Variants in ADAMTS14 observed in about 807,000 individuals in gnomAD.
The protein encoded by ADAMTS14 is ADAM metallopeptidase with thrombospondin type 1 motif 14.
In ADAMTS14, 100 loss-of-function variants were observed where a neutral mutation model predicts 128.6. That is an observed-to-expected ratio of 0.78 (90% CI 0.66 to 0.92). The LOEUF is 0.92. Among genes scored for constraint, ADAMTS14 ranks in the 40% least tolerant of loss-of-function variants. The pLI is 0.00. For synonymous variants in ADAMTS14, 665 were observed against 653.8 expected (o/e 1.02, Z -0.26); for missense variants, 1,562 against 1,658.6 (o/e 0.94, Z 1.01).
At chr10:70,716,461 C>G (rs747124762) in intron 4 of ADAMTS14, among the ~76,000 whole-genome samples, 10 of 152,216 alleles carry the variant, frequency 6.6e-5, no homozygotes, top group Non-Finnish European at 1.0e-4. Flanking sequence ...TTCCCCCGAA[C>G]AGGTGCAGAG....
chr10:70,708,560 C>A (rs1290779373), intron 3 of ADAMTS14, 28 bp from the exon 4 acceptor site: 2 of 1,579,152 alleles, frequency 1.3e-6, no homozygotes, highest in South Asian at 1.1e-5. Flanking sequence ...GTGGGTTGGA[C>A]CTCACTCTCT....
intron 14 of ADAMTS14, among the ~76,000 whole-genome samples, chr10:70,744,634 C>T (rs1487882103): frequency 1.3e-5 from 2 of 152,204 alleles, no homozygotes; most frequent in Non-Finnish European, 2.9e-5. Context: ...TGACTTTCCT[C>T]TCTACCTCCA....
At chr10:70,752,049 G>A (rs762409850) in intron 17 of ADAMTS14, 46 bp from the exon 18 acceptor site, 1 of 1,578,172 alleles carries the variant, frequency 6.3e-7, no homozygotes, top group Non-Finnish European at 8.6e-7. Context: ...CAGGGCAATG[G>A]GGGGCCTGGC....
intron 4 of ADAMTS14, among the ~76,000 whole-genome samples, chr10:70,720,055 T>C (rs1455243946): frequency 3.3e-5 from 5 of 152,362 alleles, no homozygotes; most frequent in Middle Eastern, 3.4e-3. Context: ...GGTCCATCCC[T>C]GTGCACCCTG....
intron 3 of ADAMTS14, among the ~76,000 whole-genome samples, chr10:70,702,676 G>A (rs1320056483): frequency 6.6e-6 from 1 of 152,214 alleles, no homozygotes; most frequent in Non-Finnish European, 1.5e-5. Flanking sequence ...GGCCAGAGGA[G>A]TCACTTGTGT....
chr10:70,738,985 C>T lies in ADAMTS14; in HGVS notation c.1743C>T (p.Asn581=), dbSNP rs1841914343. The change falls in exon 11 of 22, where the codon AAC becomes AAT. Residue 581 remains asparagine (N), a synonymous_variant. Coordinates refer to ENST00000373207, the MANE Select transcript of ADAMTS14 (RefSeq NM_080722.4). ...GVRSRSRSCN[N]PSPAYGGRLC... ...GATCCCGCAGCCGGAGCTGCAACAA[C>T]CCCTCGTGAGTGTGCTTGGCTAGGG... is the stretch of plus-strand genomic sequence containing the variant. 6.2e-7 allele frequency: 1 copy of T among 1,608,200 alleles called. No homozygotes were observed. The highest frequency in any genetic ancestry group is 8.5e-7 in the Non-Finnish European group (1 of 1,177,028).
At chr10:70,692,934 G>C (rs1840231914) in intron 2 of ADAMTS14, among the ~76,000 whole-genome samples, 1 of 152,148 alleles carries the variant, frequency 6.6e-6, no homozygotes. Flanking sequence ...ATCTGGGGCT[G>C]GGCAATTTAT....
chr10:70,748,273 C>T (rs190427883), intron 15 of ADAMTS14, among the ~76,000 whole-genome samples: 12 of 152,254 alleles, frequency 7.9e-5, no homozygotes, highest in East Asian at 3.9e-4. Context: ...CCACCCCCAA[C>T]GGTCTGGAAT....
Position 70,695,490 on chromosome 10 carries a change from G to A in ADAMTS14, c.523-6822G>A, listed in dbSNP as rs570783675. Reference sequence around the variant, plus strand: ...GAATCAGAGACAACAGCCCCGGATGGCCCATTAGAGGTTCTGGCCCCTGCA... The same window carrying A: ...GAATCAGAGACAACAGCCCCGGATGACCCATTAGAGGTTCTGGCCCCTGCA... On this transcript the variant is annotated intron_variant, in intron 2 of 21. Transcript: ENST00000373207. Among the ~76,000 whole-genome samples the A allele has an allele frequency of 4.0e-4, 61 of 152,290 alleles. 1 individual carries two copies. Among genetic ancestry groups the A allele is most frequent in the African/African-American group, 1.3e-3 (56 of 41,552 alleles).
chr10:70,687,378 A>T (rs1428008879), intron 2 of ADAMTS14, among the ~76,000 whole-genome samples: 29 of 42,658 alleles, frequency 6.8e-4, no homozygotes, highest in East Asian at 6.3e-3. Context: ...CTGGCCGGGC[A>T]GAGGGGCTCC....
chr10:70,742,791 G>A lies in ADAMTS14; in HGVS notation c.1925-757G>A, dbSNP rs1390602131. On this transcript the variant is annotated intron_variant, in intron 12 of 21. Coordinates refer to ENST00000373207, the MANE Select transcript of ADAMTS14 (RefSeq NM_080722.4). ...CACAGTAAGTGTTTATATATGCTCT[G>A]GAACCTCCTTTTTAGGATATCTATA... Among the ~76,000 whole-genome samples, 3 of 152,178 alleles carry A rather than the reference G, an allele frequency of 2.0e-5. No individual in the cohort carries two copies. In the East Asian group the frequency reaches 5.8e-4, roughly 29 times the overall value.
Position 70,702,325 on chromosome 10 carries a change from G to A in ADAMTS14, c.536G>A (p.Arg179His), listed in dbSNP as rs201809345. The A allele has an allele frequency of 6.2e-6, 10 of 1,614,150 alleles. No homozygotes were observed. In the South Asian group the frequency reaches 8.8e-5, roughly 14 times the overall value. ...SNCDGLAGLI[R>H]TDSTDFFIEP... Reference sequence around the variant, plus strand: ...TCCCTGGTTCAGGCGGGCCTCATCCGCACAGACAGCACCGACTTCTTCATT... The same window carrying A: ...TCCCTGGTTCAGGCGGGCCTCATCCACACAGACAGCACCGACTTCTTCATT... Residue 179 changes from arginine to histidine, a missense_variant, in exon 3 of 22, where the codon CGC becomes CAC. By Grantham distance (29) the Arg-to-His change is conservative. Transcript: ENST00000373207.
intron 4 of ADAMTS14, among the ~76,000 whole-genome samples, chr10:70,725,815 C>T (rs1461898173): frequency 2.0e-5 from 3 of 152,184 alleles, no homozygotes; most frequent in African/African-American, 7.2e-5. Flanking sequence ...CCACGTGGCT[C>T]ATGCCTTCCT....
intron 4 of ADAMTS14, among the ~76,000 whole-genome samples, chr10:70,727,644 G>C (rs1386292880): frequency 6.6e-6 from 1 of 151,650 alleles, no homozygotes; most frequent in African/African-American, 2.4e-5. Context: ...GACCATGCTG[G>C]TGGCATCACA....
chr10:70,728,490 C>T (rs957604571), intron 4 of ADAMTS14, among the ~76,000 whole-genome samples: 40 of 152,200 alleles, frequency 2.6e-4, no homozygotes, highest in Admixed American at 7.8e-4. Context: ...AATGGGTGTC[C>T]CCAGGAGAGG....
chr10:70,732,029 T>C (rs1034629085), intron 6 of ADAMTS14, among the ~76,000 whole-genome samples: 4 of 152,000 alleles, frequency 2.6e-5, no homozygotes, highest in African/African-American at 9.7e-5. Context: ...TGATAAACCC[T>C]GGGAAACTGC....
chr10:70,742,358 G>A (rs888532212), intron 12 of ADAMTS14, among the ~76,000 whole-genome samples: 14 of 151,878 alleles, frequency 9.2e-5, no homozygotes, highest in Admixed American at 7.2e-4. Context: ...TGTGGCTTCC[G>A]TTGCTGCCTA....
chr10:70,724,370 C>G (rs1841362083), intron 4 of ADAMTS14, among the ~76,000 whole-genome samples: 1 of 152,198 alleles, frequency 6.6e-6, no homozygotes, highest in Non-Finnish European at 1.5e-5. Context: ...TGCCTCGTAG[C>G]CATCCTGTCT....
In ADAMTS14 at chr10:70,737,902, A is replaced by C. The variant is rs796959473; in HGVS notation, c.1600-940A>C. 1.2e-4 allele frequency among the ~76,000 whole-genome samples: 18 copies of C among 152,342 alleles called. 1 individual carries two copies. The highest frequency in any genetic ancestry group is 4.3e-4 in the African/African-American group (18 of 41,576). The stretch of plus-strand genomic sequence containing the variant: ...TTTTTGAGGTGATAAAAATATTCTC[A>C]AATTGGATTGTGGTGACGATTGGAC... On this transcript the variant is annotated intron_variant, in intron 10 of 21. Coordinates refer to ENST00000373207, the MANE Select transcript of ADAMTS14 (RefSeq NM_080722.4).
Sources: gnomAD v4.1 joint callset for allele counts (sites outside exome capture counted in the v4.1 genomes callset) on GRCh38, gnomAD v4.1.1 for gene constraint, MANE v1.5 for transcripts, NCBI Gene and HGNC (gene_info 2026-07-23, HGNC 2026-07-21) for gene names.